Variants in MAML3 observed in about 807,000 individuals in gnomAD.
MAML3 encodes mastermind-like protein 3.
Under a neutral mutation model 101.9 loss-of-function variants are expected in MAML3, and 27 were observed. The ratio of observed to expected loss-of-function variants is 0.27; its 90% CI spans 0.20 to 0.37. The LOEUF is 0.37. Among genes scored for constraint, MAML3 ranks in the 10% least tolerant of loss-of-function variants. The pLI, the probability that MAML3 is intolerant of heterozygous loss-of-function variation, is 1.00. For missense variants in MAML3, 1,316 were observed against 1,444.9 expected (o/e 0.91, Z 1.45); for synonymous variants, 501 against 555.9 (o/e 0.90, Z 1.39).
intron 1 of MAML3, among the ~76,000 whole-genome samples, chr4:139,893,858 A>G (rs966572950): frequency 1.3e-5 from 2 of 152,174 alleles, no homozygotes; most frequent in African/African-American, 4.8e-5. Context: ...AGAGCTTGGC[A>G]TAGAATAGCT....
chr4:139,755,725 T>G (rs907952372), intron 2 of MAML3, among the ~76,000 whole-genome samples: 1 of 152,196 alleles, frequency 6.6e-6, no homozygotes, highest in African/African-American at 2.4e-5. Context: ...CACAGGGCCC[T>G]GCGCAGTCTG....
At chr4:139,942,332 G>T (rs112657708) in intron 1 of MAML3, among the ~76,000 whole-genome samples, 6 of 152,130 alleles carry the variant, frequency 3.9e-5, no homozygotes, top group South Asian at 2.1e-4. Flanking sequence ...CACTTACAGC[G>T]TCATGTCATT....
In MAML3 at chr4:140,153,484, G is replaced by C; in HGVS notation, c.-157C>G. On this transcript the variant is annotated 5_prime_UTR_variant, in exon 1 of 5. Coordinates refer to ENST00000509479, the MANE Select transcript of MAML3 (RefSeq NM_018717.5). ...CGATCCCGACGGGGCGAAAAAAACGGGGGGGGAGATTTTGGGGTGGTTTTT... is the reference window on the plus strand; with the variant it reads ...CGATCCCGACGGGGCGAAAAAAACGCGGGGGGAGATTTTGGGGTGGTTTTT... 1 of 812,700 alleles carries C rather than the reference G, an allele frequency of 1.2e-6. No individual in the cohort carries two copies. 50.3% of individuals were successfully genotyped at this position (812,700 alleles called of 1,614,324 possible). A position where few individuals can be genotyped will look rare whatever the true frequency, so the allele number is the denominator to read the frequency against.
chr4:139,941,425 C>T (rs1223417670), intron 1 of MAML3, among the ~76,000 whole-genome samples: 2 of 152,166 alleles, frequency 1.3e-5, no homozygotes, highest in Non-Finnish European at 1.5e-5. Context: ...ACATAGCTTT[C>T]AAGAGTACTT....
chr4:139,888,419 G>A (rs1732383355), intron 2 of MAML3, among the ~76,000 whole-genome samples: 1 of 152,222 alleles, frequency 6.6e-6, no homozygotes, highest in Admixed American at 6.5e-5. Flanking sequence ...CTGGCAGTAA[G>A]ATGATCTCTC....
intron 1 of MAML3, among the ~76,000 whole-genome samples, chr4:140,034,096 G>A (rs1360978282): frequency 6.6e-6 from 1 of 152,136 alleles, no homozygotes; most frequent in Non-Finnish European, 1.5e-5. Context: ...TTTACAAAAG[G>A]CTTCTATCTC....
At chr4:140,122,709 G>T (rs911022021) in intron 1 of MAML3, among the ~76,000 whole-genome samples, 1 of 150,440 alleles carries the variant, frequency 6.6e-6, no homozygotes, top group Non-Finnish European at 1.5e-5. Flanking sequence ...GGAGAATGGC[G>T]TGAACCCGGG....
At chr4:140,131,031 C>T (rs1245558786) in intron 1 of MAML3, among the ~76,000 whole-genome samples, 2 of 152,032 alleles carry the variant, frequency 1.3e-5, no homozygotes, top group Non-Finnish European at 2.9e-5. Context: ...CCTAATTCTA[C>T]TCACCTTACT....
At chr4:140,055,525 A>G (rs1010519146) in intron 1 of MAML3, among the ~76,000 whole-genome samples, 4 of 152,238 alleles carry the variant, frequency 2.6e-5, no homozygotes, top group Non-Finnish European at 4.4e-5. Context: ...TCATAAATAC[A>G]TCTATATTTT....
At chr4:139,828,996 AGGAAGGAAGGAAGGAAG>A (rs1240099004) in intron 2 of MAML3, among the ~76,000 whole-genome samples, 1 of 135,702 alleles carries the variant, frequency 7.4e-6, no homozygotes, top group African/African-American at 2.7e-5. Context: ...GAAGGAAGGA[AGGAAGGAAGGAAGGAAG>A]GAAGGAAGGA....
chr4:140,137,223 C>A (rs565693332), intron 1 of MAML3, among the ~76,000 whole-genome samples: 1 of 152,146 alleles, frequency 6.6e-6, no homozygotes, highest in Non-Finnish European at 1.5e-5. Context: ...CTCCTGACCT[C>A]GTGATCCGCC....
rs1037566024 is a variant in MAML3 at position 139,772,411 on chromosome 4, G to A, written c.2080-41744C>T. ...GGCTGGAGTGCAGTGGCGCGATCTC[G>A]GCTCACTGCAACCTCCGCCTCCTGG... On this transcript the variant is annotated intron_variant, in intron 2 of 4. Coordinates refer to ENST00000509479, the MANE Select transcript of MAML3 (RefSeq NM_018717.5). 4.0e-5 allele frequency among the ~76,000 whole-genome samples: 6 copies of A among 149,852 alleles called. No homozygotes were observed. The South Asian group carries it at 1.1e-3, about 27-fold the overall frequency.
chr4:140,079,990 A>C (rs1291588260), intron 1 of MAML3, among the ~76,000 whole-genome samples: 6 of 152,254 alleles, frequency 3.9e-5, no homozygotes, highest in Non-Finnish European at 5.9e-5. Flanking sequence ...AAATGTTTAC[A>C]AAATGCAAGA....
chr4:139,838,136 T>C (rs1411029633), intron 2 of MAML3, among the ~76,000 whole-genome samples: 3 of 151,524 alleles, frequency 2.0e-5, no homozygotes, highest in Non-Finnish European at 4.4e-5. Context: ...CAGATCACCA[T>C]TATAGGATGA....
At chr4:140,141,977 T>A (rs1322809270) in intron 1 of MAML3, among the ~76,000 whole-genome samples, 1 of 152,170 alleles carries the variant, frequency 6.6e-6, no homozygotes, top group African/African-American at 2.4e-5. Context: ...CAAGGATATA[T>A]GAATAAGGAT....
intron 1 of MAML3, among the ~76,000 whole-genome samples, chr4:139,956,580 G>A (rs1733921613): frequency 6.6e-6 from 1 of 152,204 alleles, no homozygotes; most frequent in Admixed American, 6.5e-5. Context: ...TTGGCACAAA[G>A]CCCTTTATTC....
intron 1 of MAML3, among the ~76,000 whole-genome samples, chr4:140,045,772 C>T (rs1239014840): frequency 6.6e-6 from 1 of 152,070 alleles, no homozygotes; most frequent in South Asian, 2.1e-4. Flanking sequence ...AAAGGGGTCT[C>T]GAGCCTCACT....
At chr4:140,152,816 C>CCCCCCCA in intron 1 of MAML3, 44 bp downstream of exon 1, 2 of 1,581,170 alleles carry the variant, frequency 1.3e-6, no homozygotes, top group South Asian at 1.2e-5. Flanking sequence ...CCACCACCAC[C>CCCCCCCA]ACCCCCAACG....
intron 2 of MAML3, among the ~76,000 whole-genome samples, chr4:139,739,188 G>A (rs1729067949): frequency 6.6e-6 from 1 of 152,158 alleles, no homozygotes; most frequent in African/African-American, 2.4e-5. Flanking sequence ...CAAAATGATG[G>A]CCCTATAATG....
Sources: gnomAD v4.1 joint callset for allele counts (sites outside exome capture counted in the v4.1 genomes callset) on GRCh38, gnomAD v4.1.1 for gene constraint, MANE v1.5 for transcripts, NCBI Gene and HGNC (gene_info 2026-07-23, HGNC 2026-07-21) for gene names.